The following RANBP2 variants were observed in gnomAD, a reference collection of about 807,000 sequenced individuals.
RANBP2 encodes E3 SUMO-protein ligase RanBP2.
A neutral mutation model predicts 303.6 loss-of-function variants in RANBP2; 57 were observed. The ratio of observed to expected loss-of-function variants is 0.19; its 90% CI spans 0.15 to 0.23. The LOEUF is 0.23. RANBP2 is among the 10% of genes least tolerant of loss of function. The pLI is 1.00. For missense variants in RANBP2, 3,138 were observed against 3,780.8 expected, an observed-to-expected ratio of 0.83 and a Z score of 4.46; for synonymous variants, 1,167 against 1,301.5, an observed-to-expected ratio of 0.90 and a Z score of 2.23.
chr2:109,357,205 G>T, the RANBP2 span, among the ~76,000 whole-genome samples: 1 of 150,150 alleles, frequency 6.7e-6, no homozygotes, highest in Admixed American at 6.6e-5. Flanking sequence ...TTTTTGAGAC[G>T]GAGTCTTACT....
chr2:109,654,084 C>T, the RANBP2 span, among the ~76,000 whole-genome samples: 1 of 152,112 alleles, frequency 6.6e-6, no homozygotes, highest in Non-Finnish European at 1.5e-5. Flanking sequence ...CAAATGGTGT[C>T]CTCAGACAGT....
the RANBP2 span, among the ~76,000 whole-genome samples, chr2:109,369,066 C>T: frequency 2.6e-4 from 40 of 152,204 alleles, no homozygotes; most frequent in Non-Finnish European, 4.9e-4. Context: ...CACACTTGGC[C>T]GGGCATGGTG....
the RANBP2 span, among the ~76,000 whole-genome samples, chr2:108,834,091 A>G: frequency 1.3e-5 from 2 of 151,482 alleles, no homozygotes; most frequent in African/African-American, 4.9e-5. Flanking sequence ...TAAGGAAACT[A>G]GAATTTGAGG....
the RANBP2 span, among the ~76,000 whole-genome samples, chr2:109,151,872 T>C: frequency 6.6e-6 from 1 of 152,244 alleles, no homozygotes; most frequent in Non-Finnish European, 1.5e-5. Flanking sequence ...CGAATTGTCA[T>C]CATGATAGAA....
the RANBP2 span, among the ~76,000 whole-genome samples, chr2:108,957,416 A>G: frequency 6.6e-6 from 1 of 152,162 alleles, no homozygotes; most frequent in Non-Finnish European, 1.5e-5. Context: ...ATATCTAATC[A>G]CTGTTTTGGT....
chr2:109,313,372 C>T, the RANBP2 span, among the ~76,000 whole-genome samples: 1,052 of 152,330 alleles, frequency 6.9e-3, 17 homozygotes, highest in African/African-American at 0.024. Flanking sequence ...ATGCACAGCC[C>T]GGGATGAGAC....
the RANBP2 span, among the ~76,000 whole-genome samples, chr2:109,342,048 T>G: frequency 2.0e-5 from 3 of 152,220 alleles, no homozygotes; most frequent in Non-Finnish European, 2.9e-5. Context: ...ACGAATGTGT[T>G]CATCTTCCTG....
At chr2:109,002,467 G>A in the RANBP2 span, among the ~76,000 whole-genome samples, 2 of 152,256 alleles carry the variant, frequency 1.3e-5, no homozygotes, top group African/African-American at 4.8e-5. Flanking sequence ...GCCTTTCTAT[G>A]ATGTTTTTCC....
chr2:108,941,238 CATTT>C, the RANBP2 span, among the ~76,000 whole-genome samples: 3 of 152,144 alleles, frequency 2.0e-5, no homozygotes, highest in Non-Finnish European at 4.4e-5. Context: ...TTGCCCATTC[CATTT>C]GTTTTTGCTA....
In RANBP2 at chr2:108,763,724, A is replaced by C. The variant is rs1490689571; in HGVS notation, c.3185A>C (p.Asn1062Thr). ...VTQPPPAAYS[N>T]SESLLGLLTS... is the part of the protein sequence containing the mutation. ...CAGCCCCCTCCTGCAGCTTACAGTA[A>C]CAGTGAAAGCCTTTTAGGTCTCCTG... The change falls in exon 20 of 29, where the codon AAC becomes ACC. Residue 1062 changes from asparagine (N) to threonine (T), a missense_variant. Physicochemically the swap from Asn to Thr is moderately conservative, Grantham distance 65 (BLOSUM62 0). Transcript: ENST00000283195. 6.2e-7 allele frequency: 1 copy of C among 1,613,980 alleles called. No homozygotes were observed. Among genetic ancestry groups the C allele is most frequent in the Non-Finnish European group, 8.5e-7 (1 of 1,179,990 alleles).
At chr2:109,712,762 A>G in the RANBP2 span, among the ~76,000 whole-genome samples, 1 of 152,244 alleles carries the variant, frequency 6.6e-6, no homozygotes, top group South Asian at 2.1e-4. Context: ...TGATATTGGC[A>G]TAAAGGCAAA....
the RANBP2 span, among the ~76,000 whole-genome samples, chr2:109,359,965 G>A: frequency 2.0e-5 from 3 of 151,446 alleles, no homozygotes; most frequent in Non-Finnish European, 4.4e-5. Context: ...GCAGATGACT[G>A]CAGAAAAATA....
the RANBP2 span, among the ~76,000 whole-genome samples, chr2:109,434,110 G>T: frequency 2.6e-5 from 4 of 152,204 alleles, no homozygotes; most frequent in Non-Finnish European, 5.9e-5. Context: ...CTCACCTGTC[G>T]TGTCATCAGA....
chr2:109,499,335 G>A, the RANBP2 span, among the ~76,000 whole-genome samples: 7 of 152,352 alleles, frequency 4.6e-5, no homozygotes, highest in South Asian at 4.1e-4. Flanking sequence ...CTGAGGGACC[G>A]TCAGCCAGGG....
intron 7 of RANBP2, among the ~76,000 whole-genome samples, chr2:108,744,523 T>C (rs1268336314): frequency 5.3e-5 from 8 of 152,192 alleles, no homozygotes; most frequent in African/African-American, 1.2e-4. Flanking sequence ...GGTTTATGAA[T>C]TGAGGTCAGT....
At chr2:109,278,353 A>C in the RANBP2 span, among the ~76,000 whole-genome samples, 1 of 152,172 alleles carries the variant, frequency 6.6e-6, no homozygotes, top group Non-Finnish European at 1.5e-5. Context: ...GCCCAGGGGC[A>C]TCCCAGTGGG....
chr2:109,314,087 G>A, the RANBP2 span, among the ~76,000 whole-genome samples: 2 of 152,120 alleles, frequency 1.3e-5, no homozygotes, highest in Admixed American at 1.3e-4. Context: ...CGGGGCAAGT[G>A]TGGACTTGGG....
At chr2:109,245,619 T>C in the RANBP2 span, among the ~76,000 whole-genome samples, 2 of 152,372 alleles carry the variant, frequency 1.3e-5, no homozygotes, top group African/African-American at 4.8e-5. Flanking sequence ...AGTCTATATA[T>C]AAAATAACTT....
chr2:109,099,601 T>C, the RANBP2 span, among the ~76,000 whole-genome samples: 1 of 152,068 alleles, frequency 6.6e-6, no homozygotes, highest in Non-Finnish European at 1.5e-5. Context: ...CGGGGGTCCA[T>C]TCAGTTAGCT....
Sources: gnomAD v4.1 joint callset for allele counts (sites outside exome capture counted in the v4.1 genomes callset) on GRCh38, gnomAD v4.1.1 for gene constraint, MANE v1.5 for transcripts, NCBI Gene and HGNC (gene_info 2026-07-23, HGNC 2026-07-21) for gene names.